Variants in TMEM233 observed in about 807,000 individuals in gnomAD.
TMEM233 encodes dispanin subfamily B member 2.
TMEM233 carries 6 observed loss-of-function variants against 11.2 expected under a neutral mutation model. That is an observed-to-expected ratio of 0.54 (90% CI 0.29 to 1.06). The LOEUF (loss-of-function observed/expected upper bound fraction) is 1.06, where lower values mean the gene tolerates loss of function less well. Ranked by LOEUF, TMEM233 falls within the 50% of genes least tolerant of loss-of-function variation. TMEM233 has a pLI of 0.08. For missense variants in TMEM233, 127 were observed against 144.7 expected (o/e 0.88, Z 0.63); for synonymous variants, 59 against 55.8 (o/e 1.06, Z -0.26).
intron 1 of TMEM233, among the ~76,000 whole-genome samples, chr12:119,600,060 C>A (rs1335718052): frequency 6.6e-6 from 1 of 152,022 alleles, no homozygotes; most frequent in East Asian, 1.9e-4. Flanking sequence ...TCCACCCACC[C>A]ATTAACAAGC....
chr12:119,650,913 G>A, the TMEM233 span, among the ~76,000 whole-genome samples: 1 of 152,186 alleles, frequency 6.6e-6, no homozygotes, highest in Non-Finnish European at 1.5e-5. Flanking sequence ...AAAGTGCTGG[G>A]ATTACAGGCA....
At chr12:119,635,768 C>G (rs1566114186) in intron 2 of TMEM233, among the ~76,000 whole-genome samples, 1 of 152,204 alleles carries the variant, frequency 6.6e-6, no homozygotes. Context: ...ACCCTCTTCT[C>G]AGTTTCTATT....
At position 119,593,814 on chromosome 12, in the gene TMEM233, G is replaced by C; in HGVS notation, c.-35G>C. ...GAGCCCCAGACCACACAGACCGTGC[G>C]CTCCTCCGCCCTCCCGGCGCCGCCG... On this transcript the variant is annotated 5_prime_UTR_variant, in exon 1 of 3. Coordinates refer to ENST00000426426, the MANE Select transcript of TMEM233 (RefSeq NM_001136534.3). This position sits in a 1 kb window ranked among gnomAD's most constrained non-coding sequence, Gnocchi z 4.1. 6.5e-7 allele frequency: 1 copy of C among 1,545,130 alleles called. No homozygotes were observed. Among genetic ancestry groups the C allele is most frequent in the Non-Finnish European group, 8.7e-7 (1 of 1,142,992 alleles).
At chr12:119,652,947 C>T in the TMEM233 span, among the ~76,000 whole-genome samples, 3 of 152,106 alleles carry the variant, frequency 2.0e-5, no homozygotes, top group Non-Finnish European at 2.9e-5. Context: ...AAAATGGATC[C>T]ACCCAAAAGA....
intron 1 of TMEM233, among the ~76,000 whole-genome samples, chr12:119,606,691 C>T (rs772419610): frequency 1.4e-4 from 22 of 152,082 alleles, no homozygotes; most frequent in Non-Finnish European, 2.4e-4. Context: ...AAACCATGAG[C>T]TAAATGGAGT....
At chr12:119,651,402 T>C in the TMEM233 span, among the ~76,000 whole-genome samples, 1 of 152,244 alleles carries the variant, frequency 6.6e-6, no homozygotes, top group Non-Finnish European at 1.5e-5. Context: ...CACTGTATTC[T>C]TACTGTAACA....
chr12:119,632,163 A>G (rs1954898513), intron 2 of TMEM233, among the ~76,000 whole-genome samples: 1 of 152,250 alleles, frequency 6.6e-6, no homozygotes, highest in Non-Finnish European at 1.5e-5. Context: ...GACATATGCC[A>G]GGTACTGTTC....
downstream of TMEM233, among the ~76,000 whole-genome samples, chr12:119,644,227 G>A (rs1423496101): frequency 6.6e-6 from 1 of 152,178 alleles, no homozygotes; most frequent in African/African-American, 2.4e-5. Context: ...GGCCAGGCTT[G>A]AAGTCAGGAT....
At chr12:119,631,840 G>T (rs1268957618) in intron 2 of TMEM233, 2 of 191,688 alleles carry the variant, frequency 1.0e-5, no homozygotes, top group Admixed American at 6.5e-5. Flanking sequence ...TATTGTAAAG[G>T]TTAACTGGAT....
chr12:119,597,427 G>C lies in TMEM233; in HGVS notation c.186+3393G>C, dbSNP rs907381345. 2.6e-5 allele frequency among the ~76,000 whole-genome samples: 4 copies of C among 151,400 alleles called. No individual in the cohort carries two copies. The East Asian group carries it at 7.8e-4, about 29-fold the overall frequency. On this transcript the variant is annotated intron_variant, in intron 1 of 2. Coordinates refer to ENST00000426426, the MANE Select transcript of TMEM233 (RefSeq NM_001136534.3). Reference sequence around the variant, plus strand: ...AAATTGATATAAACATGGATGTGTGGAACATACTGACAAGGCTCAAAATAA... The same window carrying C: ...AAATTGATATAAACATGGATGTGTGCAACATACTGACAAGGCTCAAAATAA...
chr12:119,631,499 A>T (rs1449158622), intron 2 of TMEM233: 2 of 985,280 alleles, frequency 2.0e-6, no homozygotes, highest in Non-Finnish European at 2.4e-6. Context: ...TAAAAGAGAA[A>T]AGGACACTCA....
chr12:119,598,685 T>C (rs1424753896), intron 1 of TMEM233, among the ~76,000 whole-genome samples: 2 of 152,214 alleles, frequency 1.3e-5, no homozygotes, highest in Admixed American at 6.5e-5. Flanking sequence ...CTGAGATGTC[T>C]TACATACCTG....
At chr12:119,651,460 T>C in the TMEM233 span, among the ~76,000 whole-genome samples, 2 of 152,142 alleles carry the variant, frequency 1.3e-5, no homozygotes, top group Non-Finnish European at 2.9e-5. Context: ...GTCTGGGTTA[T>C]GTGACCATTC....
chr12:119,633,931 G>T (rs1450201441), intron 2 of TMEM233, among the ~76,000 whole-genome samples: 3 of 125,784 alleles, frequency 2.4e-5, no homozygotes, highest in African/African-American at 7.5e-5. Flanking sequence ...TGCTAAATCA[G>T]AAGTGGGGTT....
At chr12:119,612,511 G>A (rs986539257) in intron 1 of TMEM233, among the ~76,000 whole-genome samples, 1 of 152,130 alleles carries the variant, frequency 6.6e-6, no homozygotes, top group African/African-American at 2.4e-5. Context: ...GACTTTGGGA[G>A]GCTGAGGCAG....
chr12:119,638,192 G>A (rs1414652452), intron 2 of TMEM233, among the ~76,000 whole-genome samples: 2 of 152,218 alleles, frequency 1.3e-5, no homozygotes, highest in South Asian at 2.1e-4. Flanking sequence ...GGGCACTGTA[G>A]TTCATGCCTG....
chr12:119,626,329 G>A (rs779468396), intron 1 of TMEM233, among the ~76,000 whole-genome samples: 2 of 151,912 alleles, frequency 1.3e-5, no homozygotes, highest in Non-Finnish European at 2.9e-5. Flanking sequence ...AATTTGCCAC[G>A]CGTGGTGGCA....
intron 2 of TMEM233, among the ~76,000 whole-genome samples, chr12:119,638,598 G>A (rs1955014915): frequency 6.6e-6 from 1 of 152,208 alleles, no homozygotes; most frequent in Non-Finnish European, 1.5e-5. Flanking sequence ...GTGCAGCCAG[G>A]GTTGGGAACC....
At position 119,595,382 on chromosome 12, in the gene TMEM233, C is replaced by T. The variant is rs1244094364; in HGVS notation, c.186+1348C>T. 1.3e-5 allele frequency among the ~76,000 whole-genome samples: 2 copies of T among 152,248 alleles called. No individual in the cohort carries two copies. Among genetic ancestry groups the T allele is most frequent in the African/African-American group, 4.8e-5 (2 of 41,472 alleles). ...CATCAAGTCCGCCCACACTTGCCCACGGGTGGTGGCACCATATTCGATTCG... is the reference window on the plus strand; with the variant it reads ...CATCAAGTCCGCCCACACTTGCCCATGGGTGGTGGCACCATATTCGATTCG... On this transcript the variant is annotated intron_variant, in intron 1 of 2. Coordinates refer to ENST00000426426, the MANE Select transcript of TMEM233 (RefSeq NM_001136534.3). This position sits in a 1 kb window ranked among gnomAD's most constrained non-coding sequence, Gnocchi z 4.3.
Sources: gnomAD v4.1 joint callset for allele counts (sites outside exome capture counted in the v4.1 genomes callset) on GRCh38, gnomAD v4.1.1 for gene constraint, Gnocchi (gnomAD v3.1) non-coding constraint, MANE v1.5 for transcripts, NCBI Gene and HGNC (gene_info 2026-07-23, HGNC 2026-07-21) for gene names.